Variants in RUSF1 observed in about 807,000 individuals in gnomAD.
RUSF1 encodes RUS family member 1.
Under a neutral mutation model 63.0 loss-of-function variants are expected in RUSF1, and 58 were observed. The ratio of observed to expected loss-of-function variants is 0.92; its 90% confidence interval spans 0.75 to 1.15. The LOEUF (loss-of-function observed/expected upper bound fraction) is 1.15, where lower values mean the gene tolerates loss of function less well. Among genes scored for constraint, RUSF1 ranks in the 50% most tolerant of loss-of-function variants. RUSF1 has a pLI of 0.00. For synonymous variants in RUSF1, 274 were observed against 255.8 expected, an observed-to-expected ratio of 1.07 and a Z score of -0.68; for missense variants, 652 against 611.0, an observed-to-expected ratio of 1.07 and a Z score of -0.71.
intron 5 of RUSF1, 173 bp downstream of exon 5, chr16:31,499,129 C>T (rs1186948876): frequency 6.1e-6 from 4 of 651,534 alleles, no homozygotes; most frequent in East Asian, 2.7e-5. Flanking sequence ...CTTTCTGGGG[C>T]ACTAGATGCT....
At position 31,490,317 on chromosome 16, in the gene RUSF1, G is replaced by A. The variant is rs750471836; in HGVS notation, c.*518C>T. 8 of 1,612,046 alleles carry A rather than the reference G, an allele frequency of 5.0e-6. No homozygotes were observed. The highest frequency in any genetic ancestry group is 6.8e-6 in the Non-Finnish European group (8 of 1,179,314). On this transcript the variant is annotated 3_prime_UTR_variant, in exon 13 of 13. Coordinates refer to ENST00000327237, the MANE Select transcript of RUSF1 (RefSeq NM_022744.4). ...GCCTCAATTTCCCTCAGAGCCCCAGGCCCCGGCACCAAGCCTCTTCCGCCA... is the reference window on the plus strand; with the variant it reads ...GCCTCAATTTCCCTCAGAGCCCCAGACCCCGGCACCAAGCCTCTTCCGCCA...
rs2082541160 is a variant in RUSF1 at position 31,489,557 on chromosome 16, G to A, written c.*1278C>T. ...TGATGTTGATGGGTTGGTGATTAAA[G>A]CCTCCCAAAGCCAATCCTTGGCATG... On this transcript the variant is annotated 3_prime_UTR_variant, in exon 13 of 13. Coordinates refer to ENST00000327237, the MANE Select transcript of RUSF1 (RefSeq NM_022744.4). 3.3e-6 allele frequency: 2 copies of A among 605,256 alleles called. No individual in the cohort carries two copies. Among genetic ancestry groups the A allele is most frequent in the Non-Finnish European group, 3.0e-6 (1 of 338,772 alleles). 37.5% of individuals were successfully genotyped at this position (605,256 alleles called of 1,614,324 possible). A position where few individuals can be genotyped will look rare whatever the true frequency, so the allele number is the denominator to read the frequency against.
rs965614831 is a variant in RUSF1 at position 31,496,090 on chromosome 16, T to C, written c.702+759A>G. Among the ~76,000 whole-genome samples, 13 of 152,074 alleles carry C rather than the reference T, an allele frequency of 8.5e-5. No individual in the cohort carries two copies. The Middle Eastern group carries it at 0.01, about 119-fold the overall frequency. ...TACCTCAAAGGGTTGGTGTGAGAGTTTGTTTGTTTTTGAGACAGGGTCTTG... is the reference window on the plus strand; with the variant it reads ...TACCTCAAAGGGTTGGTGTGAGAGTCTGTTTGTTTTTGAGACAGGGTCTTG... On this transcript the variant is annotated intron_variant, in intron 6 of 12. Transcript: ENST00000327237.
At chr16:31,492,165 G>C (rs753829249) in intron 11 of RUSF1, 32 bp downstream of exon 11, 8 of 1,610,746 alleles carry the variant, frequency 5.0e-6, no homozygotes, top group Non-Finnish European at 6.8e-6. Flanking sequence ...CCCACCCTGA[G>C]GCATCAGCAG....
chr16:31,491,918 C>T, intron 12 of RUSF1, 91 bp downstream of exon 12: 1 of 1,384,050 alleles, frequency 7.2e-7, no homozygotes, highest in Non-Finnish European at 1.0e-6. Flanking sequence ...AAGTCTTTTA[C>T]CTTTCAGGTG....
chr16:31,508,360 G>A lies in RUSF1; in HGVS notation c.14C>T (p.Ala5Val), dbSNP rs529740217. 7 of 1,518,492 alleles carry A rather than the reference G, an allele frequency of 4.6e-6. No individual in the cohort carries two copies. The highest frequency in any genetic ancestry group is 6.1e-6 in the Non-Finnish European group (7 of 1,146,104). The allele number at this position is 1,518,492 out of a possible 1,614,324, so 94.1% of individuals were successfully genotyped here. A position where few individuals can be genotyped will look rare whatever the true frequency, so the allele number is the denominator to read the frequency against. The change falls in exon 1 of 13, where the codon GCG becomes GTG. Residue 5 changes from alanine to valine, a missense_variant. Ala to Val is a moderately conservative substitution (Grantham distance 64). Transcript: ENST00000327237. MADD[A>V]GLETPLCSEQ... ...GGAACACAGCGGGGTCTCCAAACCC[G>A]CGTCGTCAGCCATGCCGAGCTTTTG...
At chr16:31,499,128 G>A (rs1389603863) in intron 5 of RUSF1, 174 bp downstream of exon 5, 5 of 649,130 alleles carry the variant, frequency 7.7e-6, no homozygotes, top group Admixed American at 5.3e-5. Flanking sequence ...ACTTTCTGGG[G>A]CACTAGATGC....
chr16:31,494,307 G>T (rs967524103), intron 6 of RUSF1, among the ~76,000 whole-genome samples: 3 of 152,070 alleles, frequency 2.0e-5, no homozygotes, highest in South Asian at 2.1e-4. Context: ...GATTCCCTGA[G>T]CTCAGGAGTT....
Position 31,507,785 on chromosome 16 carries a change from T to C in RUSF1, c.394A>G (p.Thr132Ala), listed in dbSNP as rs372237711. Residue 132 changes from threonine to alanine, a missense_variant, in exon 2 of 13, where the codon ACG (threonine) becomes GCG (alanine). Coordinates refer to ENST00000327237, the MANE Select transcript of RUSF1 (RefSeq NM_022744.4). ...TCACCTTTCACGAGCCAGGTGGCCGTGGCAGCTGAAACAGTGGCTTTTGCG... is the reference window on the plus strand; with the variant it reads ...TCACCTTTCACGAGCCAGGTGGCCGCGGCAGCTGAAACAGTGGCTTTTGCG... ...GNAKATVSAATATWLVKDSTG... is the reference protein window; with the variant it reads ...GNAKATVSAAAATWLVKDSTG... The C allele has an allele frequency of 3.2e-6, 5 of 1,571,006 alleles. No individual in the cohort carries two copies. The highest frequency in any genetic ancestry group is 1.9e-5 in the Admixed American group (1 of 53,934).
chr16:31,499,221 G>A (rs774150774), intron 5 of RUSF1, 81 bp downstream of exon 5: 80 of 1,270,092 alleles, frequency 6.3e-5, no homozygotes, highest in Non-Finnish European at 8.7e-5. Context: ...GAAGTGGCAG[G>A]TAAACTCACA....
In RUSF1 at chr16:31,500,738, GA is replaced by G. The variant is rs1567398236; in HGVS notation, c.416-8del. On this transcript the variant is annotated splice_polypyrimidine_tract_variant and splice_region_variant and intron_variant, in intron 2 of 12. Coordinates refer to ENST00000327237, the MANE Select transcript of RUSF1 (RefSeq NM_022744.4). ...CCCAGCATGCCAGTTGAATCTGGGG[GA>G]AAGAAGGCACAGGTAAGGAGCAAGG... 12 of 1,612,164 alleles carry G rather than the reference GA, an allele frequency of 7.4e-6. No individual in the cohort carries two copies. Among genetic ancestry groups the G allele is most frequent in the Non-Finnish European group, 1.0e-5 (12 of 1,178,656 alleles).
chr16:31,507,789 A>G lies in RUSF1; in HGVS notation c.390T>C (p.Ala130=). ...CTTTCACGAGCCAGGTGGCCGTGGC[A>G]GCTGAAACAGTGGCTTTTGCGTTCC... is the stretch of plus-strand genomic sequence containing the variant. ...GVGNAKATVS[A]ATATWLVKDS... The change falls in exon 2 of 13, where the codon GCT becomes GCC. Residue 130 remains alanine (A), a synonymous_variant. Transcript: ENST00000327237. The G allele has an allele frequency of 6.4e-7, 1 of 1,572,440 alleles. No homozygotes were observed. Among genetic ancestry groups the G allele is most frequent in the South Asian group, 1.2e-5 (1 of 85,396 alleles).
At position 31,489,515 on chromosome 16, in the gene RUSF1, C is replaced by G. The variant is rs1596622017; in HGVS notation, c.*1320G>C. 1 of 662,398 alleles carries G rather than the reference C, an allele frequency of 1.5e-6. No individual in the cohort carries two copies. Among genetic ancestry groups the G allele is most frequent in the South Asian group, 1.8e-5 (1 of 56,862 alleles). 41.0% of individuals were successfully genotyped at this position (662,398 alleles called of 1,614,324 possible). On this transcript the variant is annotated 3_prime_UTR_variant, in exon 13 of 13. Transcript: ENST00000327237. ...TTTTATTTAAATACATTTATTTGAA[C>G]CGGCCTGGGGGAGGCTTGATGTTGA...
rs749156587 is a variant in RUSF1, at chr16:31,492,064, G to A, written c.1254C>T (p.Val418=). 11 of 1,614,050 alleles carry A rather than the reference G, an allele frequency of 6.8e-6. No homozygotes were observed. The highest frequency in any genetic ancestry group is 3.3e-5 in the Admixed American group (2 of 60,006). The part of the protein sequence containing the change: ...VRAGPKKESW[V]VVKETHEVLD... ...ACACTTCGTGTGTCTCCTTGACGAC[G>A]ACCCAGCTCTCTTTCTTAGGACCTG... Residue 418 remains valine, a synonymous_variant, in exon 12 of 13, where the codon GTC becomes GTT. Coordinates refer to ENST00000327237, the MANE Select transcript of RUSF1 (RefSeq NM_022744.4).
Position 31,490,147 on chromosome 16 carries a change from G to C in RUSF1, c.*688C>G. 6.2e-7 allele frequency: 1 copy of C among 1,614,130 alleles called. No homozygotes were observed. The highest frequency in any genetic ancestry group is 1.1e-5 in the South Asian group (1 of 91,070). ...AGTCTCCGGCATAGCAAGGAGGAACGGGAGGACCTGGATGCTGATGAGCAG... is the reference window on the plus strand; with the variant it reads ...AGTCTCCGGCATAGCAAGGAGGAACCGGAGGACCTGGATGCTGATGAGCAG... On this transcript the variant is annotated 3_prime_UTR_variant, in exon 13 of 13. Transcript: ENST00000327237.
chr16:31,497,846 G>A (rs1348450591), intron 5 of RUSF1, among the ~76,000 whole-genome samples: 3 of 152,230 alleles, frequency 2.0e-5, no homozygotes, highest in Admixed American at 2.0e-4. Context: ...CACGGAGCCT[G>A]GCAAGCCTGG....
Position 31,490,564 on chromosome 16 carries a change from C to A in RUSF1, c.*271G>T. ...CAACTGCGTTGGACACCATAAGCCA[C>A]AGCCTCACAGGAAGTGGGGGTGAGG... On this transcript the variant is annotated 3_prime_UTR_variant, in exon 13 of 13. Coordinates refer to ENST00000327237, the MANE Select transcript of RUSF1 (RefSeq NM_022744.4). 6.4e-7 allele frequency: 1 copy of A among 1,558,408 alleles called. No individual in the cohort carries two copies. The highest frequency in any genetic ancestry group is 8.8e-7 in the Non-Finnish European group (1 of 1,138,366).
chr16:31,493,860 G>A lies in RUSF1; in HGVS notation c.773+6C>T. 1 of 1,614,216 alleles carries A rather than the reference G, an allele frequency of 6.2e-7. No individual in the cohort carries two copies. Among genetic ancestry groups the A allele is most frequent in the East Asian group, 2.2e-5 (1 of 44,874 alleles). On this transcript the variant is annotated splice_donor_region_variant and intron_variant, in intron 7 of 12. Transcript: ENST00000327237. ...GGTTCTCCTGCCCACCCTGCTTCCG[G>A]CTTACCCAGGGCAACCTGACACCAG...
At position 31,490,944 on chromosome 16, in the gene RUSF1, T is replaced by A; in HGVS notation, c.1310-12A>T. 1 of 1,613,334 alleles carries A rather than the reference T, an allele frequency of 6.2e-7. No individual in the cohort carries two copies. The highest frequency in any genetic ancestry group is 8.5e-7 in the Non-Finnish European group (1 of 1,179,520). On this transcript the variant is annotated splice_polypyrimidine_tract_variant and intron_variant, in intron 12 of 12. Transcript: ENST00000327237. ...GGCATCCTGCAGTCCTGGGGAGAGA[T>A]CATGGGGTGCTGCCGGGAATGCTGG... is the stretch of plus-strand genomic sequence containing the variant.
Sources: gnomAD v4.1 joint callset for allele counts (sites outside exome capture counted in the v4.1 genomes callset) on GRCh38, gnomAD v4.1.1 for gene constraint, MANE v1.5 for transcripts, NCBI Gene and HGNC (gene_info 2026-07-23, HGNC 2026-07-21) for gene names.